The following STAG1 variants were observed in gnomAD, a reference collection of about 807,000 sequenced individuals.
STAG1 encodes STAG1 cohesin complex component.
STAG1 carries 26 observed loss-of-function variants against 170.9 expected under a neutral mutation model. The ratio of observed to expected loss-of-function variants is 0.15; its 90% CI spans 0.11 to 0.21. STAG1 has a LOEUF of 0.21. STAG1 is among the 10% of genes least tolerant of loss of function. The pLI is 1.00. For missense variants in STAG1, 964 were observed against 1,509.5 expected (o/e 0.64, Z 5.99); for synonymous variants, 514 against 497.7 (o/e 1.03, Z -0.44).
intron 3 of STAG1, among the ~76,000 whole-genome samples, chr3:136,612,933 A>G (rs1939378412): frequency 6.6e-6 from 1 of 152,188 alleles, no homozygotes; most frequent in Non-Finnish European, 1.5e-5. Flanking sequence ...GAGTAAGACT[A>G]TGTTTAGCTT....
intron 1 of STAG1, among the ~76,000 whole-genome samples, chr3:136,643,511 T>A (rs1177170780): frequency 6.6e-6 from 1 of 152,146 alleles, no homozygotes; most frequent in Non-Finnish European, 1.5e-5. Context: ...GAACAACTAT[T>A]CTTCTTGTTT....
chr3:136,530,097 T>A (rs940087943), intron 6 of STAG1, among the ~76,000 whole-genome samples: 2 of 152,040 alleles, frequency 1.3e-5, no homozygotes, highest in African/African-American at 4.8e-5. Flanking sequence ...ATACTTATGA[T>A]GAGTGAAACA....
chr3:136,353,500 A>G (rs538550983), intron 28 of STAG1, among the ~76,000 whole-genome samples: 19 of 152,256 alleles, frequency 1.2e-4, no homozygotes, highest in Non-Finnish European at 1.8e-4. Context: ...AAAATCCAAT[A>G]AAATTAATGA....
chr3:136,564,459 A>G (rs1449825242), intron 5 of STAG1, among the ~76,000 whole-genome samples: 2 of 152,218 alleles, frequency 1.3e-5, no homozygotes, highest in Non-Finnish European at 2.9e-5. Context: ...GTAACTAAGT[A>G]TAGTTTTAAT....
rs374645920 is a variant in STAG1 at position 136,498,210 on chromosome 3, T to TTATATA, written c.902+2007_902+2012dup. 5.3e-3 allele frequency among the ~76,000 whole-genome samples: 270 copies of TTATATA among 50,634 alleles called. 20 individuals are homozygous for TTATATA. Among genetic ancestry groups the TTATATA allele is most frequent in the Middle Eastern group, 0.033 (3 of 92 alleles). The allele number at this position is 50,634 out of a possible 152,430, so 33.2% of individuals were successfully genotyped here. On this transcript the variant is annotated intron_variant, in intron 9 of 33. Transcript: ENST00000383202. ...TCCATCTTAAAAAAAAAAAAAAAAATTATATATATATATATATATATATAC... is the reference window on the plus strand; with the variant it reads ...TCCATCTTAAAAAAAAAAAAAAAAATTATATATATATATATATATATATATATATAC...
chr3:136,705,708 C>T (rs1008061228), intron 1 of STAG1, among the ~76,000 whole-genome samples: 1 of 152,148 alleles, frequency 6.6e-6, no homozygotes, highest in African/African-American at 2.4e-5. Flanking sequence ...CCTCCTTTGT[C>T]TTCTGCCATG....
chr3:136,430,748 G>C (rs972838597), intron 16 of STAG1, among the ~76,000 whole-genome samples: 7 of 148,778 alleles, frequency 4.7e-5, no homozygotes, highest in Non-Finnish European at 1.0e-4. Context: ...GGACAAGCTT[G>C]ATTTAAATAA....
At chr3:136,528,475 C>G (rs1009386859) in intron 6 of STAG1, among the ~76,000 whole-genome samples, 1 of 141,280 alleles carries the variant, frequency 7.1e-6, no homozygotes, top group African/African-American at 2.7e-5. Context: ...AATAATTCCC[C>G]AGCAACAGAT....
chr3:136,465,313 G>A (rs186527688), intron 12 of STAG1, among the ~76,000 whole-genome samples: 5 of 144,546 alleles, frequency 3.5e-5, no homozygotes, highest in East Asian at 4.5e-4. Flanking sequence ...TCTGCCTCCC[G>A]GGTTCAACTG....
At chr3:136,518,148 GA>G (rs1156383621) in intron 7 of STAG1, 2 of 386,838 alleles carry the variant, frequency 5.2e-6, no homozygotes, top group Admixed American at 8.8e-5. Context: ...AGGAAAATGG[GA>G]TATTTGGAAA....
chr3:136,592,707 G>A (rs1168995748), intron 4 of STAG1, among the ~76,000 whole-genome samples: 2 of 152,084 alleles, frequency 1.3e-5, no homozygotes, highest in Non-Finnish European at 2.9e-5. Flanking sequence ...CTTCATGGTG[G>A]GTAAAAGTAG....
At chr3:136,527,832 G>C (rs558318799) in intron 6 of STAG1, among the ~76,000 whole-genome samples, 6 of 152,232 alleles carry the variant, frequency 3.9e-5, no homozygotes, top group African/African-American at 1.4e-4. Flanking sequence ...AGGTCTGTTG[G>C]AGTTTGCTGG....
chr3:136,489,039 A>G (rs1280595246), intron 9 of STAG1, among the ~76,000 whole-genome samples: 1 of 152,208 alleles, frequency 6.6e-6, no homozygotes, highest in Non-Finnish European at 1.5e-5. Flanking sequence ...AAGACAGACT[A>G]ATTTTTACAA....
At chr3:136,573,134 T>C (rs1937330739) in intron 4 of STAG1, among the ~76,000 whole-genome samples, 1 of 151,924 alleles carries the variant, frequency 6.6e-6, no homozygotes, top group South Asian at 2.1e-4. Context: ...AACTGTGATC[T>C]TCAACTGCAT....
At chr3:136,705,438 GTA>G (rs1943203598) in intron 1 of STAG1, among the ~76,000 whole-genome samples, 1 of 148,982 alleles carries the variant, frequency 6.7e-6, no homozygotes, top group African/African-American at 2.5e-5. Context: ...GAAGTTCAAC[GTA>G]TGATATTGTT....
chr3:136,440,155 T>G (rs999105339), intron 15 of STAG1, among the ~76,000 whole-genome samples: 3 of 152,162 alleles, frequency 2.0e-5, no homozygotes, highest in African/African-American at 7.2e-5. Flanking sequence ...TTCTTTTTTT[T>G]GAGATGGAGT....
intron 1 of STAG1, among the ~76,000 whole-genome samples, chr3:136,640,780 C>T (rs998550986): frequency 6.6e-6 from 1 of 151,150 alleles, no homozygotes; most frequent in African/African-American, 2.4e-5. Context: ...TCAAGCAATT[C>T]TCCTGCCTCA....
rs74835109 is a variant in STAG1, at chr3:136,450,117, T to G, written c.1428+1916A>C. Among the ~76,000 whole-genome samples, 637 of 152,282 alleles carry G rather than the reference T, an allele frequency of 4.2e-3. 3 individuals carry two copies. The highest frequency in any genetic ancestry group is 7.7e-3 in the Admixed American group (117 of 15,290). ...TTGAAATGGTTTACTAGACATGTGATATTTACGGGGTAGTTAGTGTTTTAC... is the reference window on the plus strand; with the variant it reads ...TTGAAATGGTTTACTAGACATGTGAGATTTACGGGGTAGTTAGTGTTTTAC... On this transcript the variant is annotated intron_variant, in intron 14 of 33. Transcript: ENST00000383202.
intron 23 of STAG1, among the ~76,000 whole-genome samples, chr3:136,371,183 T>A (rs1031590128): frequency 2.6e-5 from 4 of 152,260 alleles, no homozygotes; most frequent in Non-Finnish European, 5.9e-5. Flanking sequence ...GTTCATATCC[T>A]TTGTCCACTT....
Sources: allele counts gnomAD v4.1 joint callset (sites outside exome capture counted in the v4.1 genomes callset), GRCh38; gene constraint gnomAD v4.1.1; transcripts MANE v1.5; gene names NCBI Gene and HGNC (gene_info 2026-07-23, HGNC 2026-07-21).